The following CTNND2 variants were observed in gnomAD, a reference collection of about 807,000 sequenced individuals.
The protein encoded by CTNND2 is catenin delta-2.
A neutral mutation model predicts 144.4 loss-of-function variants in CTNND2; 22 were observed. The ratio of observed to expected loss-of-function variants is 0.15; its 90% confidence interval spans 0.11 to 0.22. The LOEUF (loss-of-function observed/expected upper bound fraction) is 0.22. CTNND2 is among the 10% of genes least tolerant of loss of function. The pLI is 1.00. For missense variants in CTNND2, 1,353 were observed against 1,618.8 expected (o/e 0.84, Z 2.82); for synonymous variants, 751 against 695.6 (o/e 1.08, Z -1.25).
chr5:11,287,700 G>A (rs746189194), intron 9 of CTNND2, among the ~76,000 whole-genome samples: 3 of 152,208 alleles, frequency 2.0e-5, no homozygotes, highest in Non-Finnish European at 2.9e-5. Flanking sequence ...CATGCAAGAA[G>A]TGCAGGGGAC....
chr5:11,779,119 G>C (rs1430421891), intron 1 of CTNND2, among the ~76,000 whole-genome samples: 2 of 152,150 alleles, frequency 1.3e-5, no homozygotes, highest in African/African-American at 4.8e-5. Flanking sequence ...ATGACGCATG[G>C]TGTATCCGCC....
chr5:11,706,400 T>C (rs1338478003), intron 2 of CTNND2, among the ~76,000 whole-genome samples: 1 of 152,222 alleles, frequency 6.6e-6, no homozygotes, highest in African/African-American at 2.4e-5. Flanking sequence ...TCAACACCAG[T>C]GCTTTCCAAA....
chr5:11,123,835 GC>G (rs1754382574), intron 12 of CTNND2, among the ~76,000 whole-genome samples: 1 of 152,178 alleles, frequency 6.6e-6, no homozygotes, highest in Admixed American at 6.5e-5. Flanking sequence ...TGGCCATGAA[GC>G]CATGTGGCTG....
At chr5:11,529,710 T>A (rs1172387010) in intron 3 of CTNND2, among the ~76,000 whole-genome samples, 3 of 152,182 alleles carry the variant, frequency 2.0e-5, no homozygotes, top group Non-Finnish European at 4.4e-5. Context: ...TTAAGCTTTA[T>A]TCCAGGCAAA....
chr5:11,585,787 TA>T (rs199692571), intron 2 of CTNND2, among the ~76,000 whole-genome samples: 37,294 of 151,860 alleles, frequency 0.25, 4,977 homozygotes, highest in African/African-American at 0.36. Context: ...AAGGTGACAT[TA>T]CAGAAAAGAT....
chr5:11,547,294 A>C (rs963597147), intron 3 of CTNND2, among the ~76,000 whole-genome samples: 1 of 149,374 alleles, frequency 6.7e-6, no homozygotes, highest in African/African-American at 2.4e-5. Flanking sequence ...TAAATAAATA[A>C]ATAAATAAAT....
At chr5:11,457,678 G>C (rs1247721622) in intron 3 of CTNND2, among the ~76,000 whole-genome samples, 2 of 152,172 alleles carry the variant, frequency 1.3e-5, no homozygotes, top group Admixed American at 6.5e-5. Context: ...ATTCTCCAAA[G>C]GCAGGCATTT....
At chr5:11,411,503 A>G in intron 5 of CTNND2, 33 bp downstream of exon 5, 1 of 1,067,324 alleles carries the variant, frequency 9.4e-7, no homozygotes, top group Non-Finnish European at 1.4e-6. Context: ...CTATATTTCA[A>G]CTATCTTCAA....
intron 9 of CTNND2, among the ~76,000 whole-genome samples, chr5:11,309,958 T>C (rs1192436292): frequency 6.6e-6 from 1 of 152,128 alleles, no homozygotes; most frequent in Non-Finnish European, 1.5e-5. Flanking sequence ...CCTTCTGCCA[T>C]TATTGTAAGT....
At chr5:11,447,000 TAC>T (rs66818629) in intron 3 of CTNND2, among the ~76,000 whole-genome samples, 5,454 of 151,212 alleles carry the variant, frequency 0.036, 328 homozygotes, top group African/African-American at 0.12. Flanking sequence ...GGCTCTAACA[TAC>T]ACACACACAC....
At chr5:11,825,438 T>C (rs765745054) in intron 1 of CTNND2, among the ~76,000 whole-genome samples, 4 of 152,036 alleles carry the variant, frequency 2.6e-5, no homozygotes, top group Non-Finnish European at 4.4e-5. Context: ...AAACAGAGCA[T>C]CCAAGAATTG....
chr5:11,458,362 C>G (rs917989807), intron 3 of CTNND2, among the ~76,000 whole-genome samples: 1 of 152,144 alleles, frequency 6.6e-6, no homozygotes, highest in African/African-American at 2.4e-5. Context: ...GAAGTCCACA[C>G]CAGCTGATGG....
Position 11,471,233 on chromosome 5 carries a change from TCC to T in CTNND2, c.288-59166_288-59165del, listed in dbSNP as rs768064374. Among the ~76,000 whole-genome samples, 51 of 151,844 alleles carry T rather than the reference TCC, an allele frequency of 3.4e-4. 1 individual carries two copies. Among genetic ancestry groups the T allele is most frequent in the Non-Finnish European group, 8.8e-5 (6 of 67,962 alleles). On this transcript the variant is annotated intron_variant, in intron 3 of 21. Coordinates refer to ENST00000304623, the MANE Select transcript of CTNND2 (RefSeq NM_001332.4). ...ACCTCATGATCCACCTGCCTTGGCCTCCCAAAGTGCTGGGATTACAGGCCTGA... is the reference window on the plus strand; with the variant it reads ...ACCTCATGATCCACCTGCCTTGGCCTCAAAGTGCTGGGATTACAGGCCTGA...
At chr5:11,087,450 AG>A (rs1750291761) in intron 15 of CTNND2, among the ~76,000 whole-genome samples, 1 of 152,204 alleles carries the variant, frequency 6.6e-6, no homozygotes, top group African/African-American at 2.4e-5. Context: ...CCAGCTGGAA[AG>A]GAACTGTGCT....
chr5:11,034,175 A>C (rs1352946108), intron 16 of CTNND2, among the ~76,000 whole-genome samples: 4 of 152,186 alleles, frequency 2.6e-5, no homozygotes, highest in Non-Finnish European at 5.9e-5. Flanking sequence ...TCATTTCATA[A>C]ATCTTTTGTT....
At chr5:11,898,954 T>G (rs568712300) in intron 1 of CTNND2, among the ~76,000 whole-genome samples, 14 of 152,218 alleles carry the variant, frequency 9.2e-5, no homozygotes, top group Non-Finnish European at 1.9e-4. Context: ...GAAGCCCCTC[T>G]GGGTTTGATC....
chr5:11,104,499 C>A (rs944502552), intron 14 of CTNND2, among the ~76,000 whole-genome samples: 15 of 152,134 alleles, frequency 9.9e-5, no homozygotes, highest in Non-Finnish European at 1.8e-4. Context: ...CTTTGAACAG[C>A]AGAGTTATTA....
At chr5:11,315,876 CTCTGATG>C (rs1473446795) in intron 9 of CTNND2, among the ~76,000 whole-genome samples, 1 of 152,088 alleles carries the variant, frequency 6.6e-6, no homozygotes, top group Non-Finnish European at 1.5e-5. Context: ...TTTTGGAATA[CTCTGATG>C]TCTTATCACC....
At chr5:11,419,054 A>G (rs913767386) in intron 3 of CTNND2, among the ~76,000 whole-genome samples, 1 of 131,160 alleles carries the variant, frequency 7.6e-6, no homozygotes, top group African/African-American at 3.9e-5. Context: ...ATAGACATCT[A>G]TATAGATATA....
Sources: gnomAD v4.1 joint callset for allele counts (sites outside exome capture counted in the v4.1 genomes callset) on GRCh38, gnomAD v4.1.1 for gene constraint, MANE v1.5 for transcripts, NCBI Gene and HGNC (gene_info 2026-07-23, HGNC 2026-07-21) for gene names.